The following MED12L variants were observed in gnomAD, a reference collection of about 807,000 sequenced individuals.
The protein encoded by MED12L is mediator complex subunit 12L, also known as mediator of RNA polymerase II transcription subunit 12-like protein.
A neutral mutation model predicts 281.3 loss-of-function variants in MED12L; 60 were observed. The observed-to-expected ratio is 0.21, with a 90% confidence interval of 0.17 to 0.26. MED12L has a LOEUF of 0.26. MED12L is among the 10% of genes least tolerant of loss of function. The pLI, the probability that MED12L is intolerant of heterozygous loss-of-function variation, is 1.00. For synonymous variants in MED12L, 974 were observed against 987.2 expected (o/e 0.99, Z 0.25); for missense variants, 2,146 against 2,680.9 (o/e 0.80, Z 4.41).
intron 39 of MED12L, among the ~76,000 whole-genome samples, chr3:151,396,452 ACT>A (rs886444514): frequency 1.3e-5 from 2 of 151,914 alleles, no homozygotes; most frequent in African/African-American, 2.4e-5. Context: ...ACATGGTGAA[ACT>A]CTGTCTCTAC....
At chr3:151,292,288 C>CT (rs35742538) in intron 16 of MED12L, among the ~76,000 whole-genome samples, 3,710 of 139,836 alleles carry the variant, frequency 0.027, 96 homozygotes, top group African/African-American at 0.063. Flanking sequence ...AATATTGCTC[C>CT]TTTTTTTTTT....
At chr3:151,380,589 C>T (rs1712096234) in intron 32 of MED12L, among the ~76,000 whole-genome samples, 2 of 119,618 alleles carry the variant, frequency 1.7e-5, no homozygotes, top group South Asian at 6.0e-4. Context: ...AATAGTGAAA[C>T]TCTGTCTCAA....
chr3:151,428,184 G>A lies in MED12L; in HGVS notation c.6409-2115G>A, dbSNP rs141612152. Among the ~76,000 whole-genome samples, 206 of 152,274 alleles carry A rather than the reference G, an allele frequency of 1.4e-3. 1 individual carries two copies. Among genetic ancestry groups the A allele is most frequent in the Admixed American group, 9.0e-3 (138 of 15,304 alleles). ...AAGCACATATCTGTCTTAGGACTTT[G>A]GATAAGAGATTGAGGACAGTTACAG... On this transcript the variant is annotated intron_variant, in intron 43 of 44. Transcript: ENST00000687756.
At chr3:151,328,852 C>A in intron 16 of MED12L, 1 of 1,614,000 alleles carries the variant, frequency 6.2e-7, no homozygotes. Context: ...TGTGAACAAA[C>A]ACCCACAGAG....
Position 151,198,519 on chromosome 3 carries a change from T to C in MED12L, c.2250+4853T>C. On this transcript the variant is annotated intron_variant, in intron 16 of 44. Transcript: ENST00000687756. ...TCAGTGACCTTTGAGCGGAATGCTT[T>C]TGAGAGGTGATAGTACAGGATAGGA... The C allele has an allele frequency of 1.9e-6, 3 of 1,613,912 alleles. 1 individual carries two copies. The South Asian group carries it at 3.3e-5, about 18-fold the overall frequency.
chr3:151,321,874 T>G (rs1484695862), intron 16 of MED12L, among the ~76,000 whole-genome samples: 1 of 152,194 alleles, frequency 6.6e-6, no homozygotes, highest in Non-Finnish European at 1.5e-5. Context: ...TGTCCCCATC[T>G]CTCCTTTCCT....
At chr3:151,360,757 T>C in intron 21 of MED12L, 152 bp downstream of exon 21, 2 of 680,376 alleles carry the variant, frequency 2.9e-6, no homozygotes, top group East Asian at 2.7e-5. Flanking sequence ...TTGTTTAAAC[T>C]GAATATTAAA....
chr3:151,294,785 C>G lies in MED12L; in HGVS notation c.2251-55274C>G, dbSNP rs897754302. The G allele has an allele frequency of 2.5e-6, 4 of 1,614,012 alleles. No individual in the cohort carries two copies. In the African/African-American group the frequency reaches 4.0e-5, roughly 16 times the overall value. ...AGATAAAACCTTCGTGAAGGTTATG[C>G]TGTACATCCGAGAGTCCCCAAATGG... is the stretch of plus-strand genomic sequence containing the variant. On this transcript the variant is annotated intron_variant, in intron 16 of 44. Coordinates refer to ENST00000687756, the MANE Select transcript of MED12L (RefSeq NM_001393769.1).
At chr3:151,263,943 G>A (rs2149512620) in intron 16 of MED12L, among the ~76,000 whole-genome samples, 1 of 152,284 alleles carries the variant, frequency 6.6e-6, no homozygotes, top group Non-Finnish European at 1.5e-5. Context: ...TTGTAGAAAG[G>A]CAGATAACGA....
At chr3:151,427,910 T>C (rs1313035165) in intron 43 of MED12L, among the ~76,000 whole-genome samples, 1 of 152,226 alleles carries the variant, frequency 6.6e-6, no homozygotes, top group African/African-American at 2.4e-5. Flanking sequence ...ATGTCATAGA[T>C]ATGGGACATT....
chr3:151,409,415 C>T, intron 40 of MED12L, 83 bp downstream of exon 40: 1 of 1,182,486 alleles, frequency 8.5e-7, no homozygotes, highest in Non-Finnish European at 1.3e-6. Context: ...TAGAATATAT[C>T]AACTCCCTAT....
At chr3:151,169,874 T>C (rs1017286976) in intron 11 of MED12L, among the ~76,000 whole-genome samples, 2 of 152,226 alleles carry the variant, frequency 1.3e-5, no homozygotes, top group Admixed American at 1.3e-4. Flanking sequence ...TTGCTGTTAC[T>C]AGAAGTCGTG....
chr3:151,093,173 G>A (rs1383823332), intron 2 of MED12L, among the ~76,000 whole-genome samples: 1 of 152,214 alleles, frequency 6.6e-6, no homozygotes, highest in Non-Finnish European at 1.5e-5. Flanking sequence ...GTTTGGTGGT[G>A]CACACCTGCG....
intron 5 of MED12L, among the ~76,000 whole-genome samples, chr3:151,140,963 G>A (rs1231372687): frequency 6.6e-6 from 1 of 152,008 alleles, no homozygotes; most frequent in African/African-American, 2.4e-5. Flanking sequence ...CGCATCCCAG[G>A]TTCACGCCAT....
At chr3:151,302,845 A>G (rs1214927002) in intron 16 of MED12L, among the ~76,000 whole-genome samples, 1 of 152,188 alleles carries the variant, frequency 6.6e-6, no homozygotes, top group African/African-American at 2.4e-5. Flanking sequence ...AGAGAAAGGT[A>G]CATTTCTGTC....
intron 16 of MED12L, chr3:151,336,712 T>G (rs1751040555): frequency 5.9e-6 from 2 of 341,320 alleles, no homozygotes; most frequent in African/African-American, 4.5e-5. Flanking sequence ...GAAGTCATCT[T>G]CAGAAGAGAC....
At chr3:151,134,117 G>A (rs1168062883) in intron 5 of MED12L, among the ~76,000 whole-genome samples, 2 of 151,986 alleles carry the variant, frequency 1.3e-5, no homozygotes, top group African/African-American at 4.8e-5. Context: ...ATGTGTGCTG[G>A]GTAATGATCT....
chr3:151,100,145 CTCT>C (rs1031100822), intron 2 of MED12L, among the ~76,000 whole-genome samples: 5 of 152,196 alleles, frequency 3.3e-5, no homozygotes, highest in Non-Finnish European at 5.9e-5. Context: ...TGTTATAAAT[CTCT>C]TCTTCTTAGA....
At chr3:151,236,160 A>G (rs1181790760) in intron 16 of MED12L, among the ~76,000 whole-genome samples, 1 of 152,214 alleles carries the variant, frequency 6.6e-6, no homozygotes, top group Admixed American at 6.5e-5. Context: ...AGCTTGCTCT[A>G]CAGTTAGAAG....
Sources: allele counts gnomAD v4.1 joint callset (sites outside exome capture counted in the v4.1 genomes callset), GRCh38; gene constraint gnomAD v4.1.1; transcripts MANE v1.5; gene names NCBI Gene and HGNC (gene_info 2026-07-23, HGNC 2026-07-21).